PCBP3: variants seen among roughly 807,000 people sequenced by gnomAD.
PCBP3 encodes the protein poly(rC)-binding protein 3.
A neutral mutation model predicts 52.7 loss-of-function variants in PCBP3; 25 were observed. That is an observed-to-expected ratio of 0.47 (90% CI 0.35 to 0.66). The LOEUF is 0.66. PCBP3 is among the 30% of genes least tolerant of loss of function. The pLI is 0.01. For missense variants in PCBP3, 391 were observed against 490.3 expected (o/e 0.80, Z 1.91); for synonymous variants, 162 against 183.0 (o/e 0.89, Z 0.93).
In PCBP3 at chr21:45,704,361, GTGGT is replaced by G. The variant is rs1408606644; in HGVS notation, c.-199-31026_-199-31023del. On this transcript the variant is annotated intron_variant, in intron 2 of 17. Transcript: ENST00000681687. The surrounding 1 kb of genome is among the most constrained non-coding windows in gnomAD (Gnocchi z 4.1). ...CTGCAGAAAGGAGTAAGGAAACATGGTGGTTGGTGGGGGAACTGGGAACAAGAGC... is the reference window on the plus strand; with the variant it reads ...CTGCAGAAAGGAGTAAGGAAACATGGTGGTGGGGGAACTGGGAACAAGAGC... Among the ~76,000 whole-genome samples, 1 of 152,190 alleles carries G rather than the reference GTGGT, an allele frequency of 6.6e-6. No homozygotes were observed. The highest frequency in any genetic ancestry group is 1.5e-5 in the Non-Finnish European group (1 of 68,038).
Position 45,917,637 on chromosome 21 carries a change from T to G in PCBP3, c.717+8T>G, listed in dbSNP as rs2073708152. ...GCCATCCCTCACCCGGATGTGAGTC[T>G]TCACTTTGTCTTCCTCTCACCTTTC... On this transcript the variant is annotated splice_region_variant and intron_variant, in intron 13 of 17. Transcript: ENST00000681687. The surrounding 1 kb of genome is among the most constrained non-coding windows in gnomAD (Gnocchi z 5.3). 14 of 1,609,494 alleles carry G rather than the reference T, an allele frequency of 8.7e-6. No homozygotes were observed. The highest frequency in any genetic ancestry group is 9.4e-6 in the Non-Finnish European group (11 of 1,175,810).
At chr21:45,748,015 G>A (rs1195730404) in intron 3 of PCBP3, 2 of 152,418 alleles carry the variant, frequency 1.3e-5, no homozygotes, top group African/African-American at 4.8e-5. Flanking sequence ...CGTGCTGCCA[G>A]GCTGTCTGGC....
rs749618031 is a variant in PCBP3 at position 45,919,814 on chromosome 21, GGT to G, written c.717+2207_717+2208del. 4.2e-3 allele frequency among the ~76,000 whole-genome samples: 619 copies of G among 148,768 alleles called. 2 individuals are homozygous for G. The highest frequency in any genetic ancestry group is 7.0e-3 in the Non-Finnish European group (462 of 66,358). ...AGCAGCAGCGTTGGGCAGAAGCAGAGGTGTGTGTGTGTGTGTGTGTGTGCGCG... is the reference window on the plus strand; with the variant it reads ...AGCAGCAGCGTTGGGCAGAAGCAGAGGTGTGTGTGTGTGTGTGTGTGCGCG... On this transcript the variant is annotated intron_variant, in intron 13 of 17. Transcript: ENST00000681687.
rs959580405 is a variant in PCBP3, at chr21:45,880,148, C to T, written c.11-16060C>T. On this transcript the variant is annotated intron_variant, in intron 5 of 17. Coordinates refer to ENST00000681687, the MANE Select transcript of PCBP3 (RefSeq NM_001384156.1). The surrounding 1 kb of genome is among the most constrained non-coding windows in gnomAD (Gnocchi z 5.4). ...CTTTTTATTGACAAGACGTTCCTGTCGTGAGTGGTTTTCCTCTGGCCTCTT... is the reference window on the plus strand; with the variant it reads ...CTTTTTATTGACAAGACGTTCCTGTTGTGAGTGGTTTTCCTCTGGCCTCTT... Among the ~76,000 whole-genome samples the T allele has an allele frequency of 1.3e-5, 2 of 152,218 alleles. No individual in the cohort carries two copies. Among genetic ancestry groups the T allele is most frequent in the African/African-American group, 4.8e-5 (2 of 41,460 alleles).
At chr21:45,845,427 T>G (rs994174920) in intron 4 of PCBP3, among the ~76,000 whole-genome samples, 4 of 151,050 alleles carry the variant, frequency 2.6e-5, no homozygotes, top group African/African-American at 9.8e-5. Context: ...TGTGAGCTGC[T>G]TAAGCACCTG....
At chr21:45,892,035 T>C (rs548480067) in intron 5 of PCBP3, among the ~76,000 whole-genome samples, 3 of 152,280 alleles carry the variant, frequency 2.0e-5, no homozygotes, top group South Asian at 4.1e-4. Flanking sequence ...CAAAGGCAGC[T>C]GGAGGCTGGC....
chr21:45,896,404 G>C, intron 6 of PCBP3, 42 bp downstream of exon 6: 2 of 1,541,022 alleles, frequency 1.3e-6, no homozygotes, highest in Non-Finnish European at 1.8e-6. Context: ...AGGCGGCCGC[G>C]GCAGACAGAA....
chr21:45,924,199 G>A (rs576352198), intron 13 of PCBP3, among the ~76,000 whole-genome samples: 1 of 135,776 alleles, frequency 7.4e-6, no homozygotes, highest in African/African-American at 2.8e-5. Flanking sequence ...AACAGCACAC[G>A]TAAGGTCGGG....
chr21:45,876,840 G>A lies in PCBP3; in HGVS notation c.11-19368G>A, dbSNP rs565775557. 1.9e-3 allele frequency among the ~76,000 whole-genome samples: 294 copies of A among 152,378 alleles called. 2 individuals are homozygous for A. The highest frequency in any genetic ancestry group is 6.8e-3 in the African/African-American group (283 of 41,602). On this transcript the variant is annotated intron_variant, in intron 5 of 17. Transcript: ENST00000681687. ...GGCCGTGAGTGCAGCCCTGGACAGA[G>A]CACAGCTAACGGGGGTATGGCCAGA...
intron 2 of PCBP3, among the ~76,000 whole-genome samples, chr21:45,685,915 CT>C (rs1168054154): frequency 0.14 from 17,569 of 125,382 alleles, 984 homozygotes; most frequent in Middle Eastern, 0.27. Flanking sequence ...GTAAGATGAA[CT>C]TTTTTTTTTT....
At chr21:45,783,436 A>G (rs539378260) in intron 4 of PCBP3, among the ~76,000 whole-genome samples, 3 of 152,232 alleles carry the variant, frequency 2.0e-5, no homozygotes, top group Non-Finnish European at 4.4e-5. Flanking sequence ...TCAACAGTAC[A>G]TTTGCAACCT....
intron 4 of PCBP3, among the ~76,000 whole-genome samples, chr21:45,832,911 G>A (rs752652948): frequency 3.3e-5 from 5 of 152,176 alleles, no homozygotes; most frequent in Admixed American, 2.0e-4. Flanking sequence ...GGAGGAACTT[G>A]CCAGACAAAA....
chr21:45,927,271 C>T (rs1603532802), intron 13 of PCBP3, among the ~76,000 whole-genome samples: 2 of 47,342 alleles, frequency 4.2e-5, no homozygotes, highest in Non-Finnish European at 1.0e-4. Context: ...ATCCTCCTAC[C>T]CTCCTCTCCC....
intron 5 of PCBP3, among the ~76,000 whole-genome samples, chr21:45,861,728 T>A (rs1732113521): frequency 6.6e-6 from 1 of 152,204 alleles, no homozygotes; most frequent in African/African-American, 2.4e-5. Context: ...CTGGGCCTGC[T>A]TCTCGCCCTG....
chr21:45,784,672 A>G (rs939975370), intron 4 of PCBP3, among the ~76,000 whole-genome samples: 2 of 152,198 alleles, frequency 1.3e-5, no homozygotes, highest in African/African-American at 4.8e-5. Context: ...TGTGTTGGCC[A>G]GGCTGGTCTC....
rs1262035342 is a variant in PCBP3, at chr21:45,805,968, A to T, written c.-125-43993A>T. On this transcript the variant is annotated intron_variant, in intron 4 of 17. Coordinates refer to ENST00000681687, the MANE Select transcript of PCBP3 (RefSeq NM_001384156.1). The surrounding 1 kb of genome is among the most constrained non-coding windows in gnomAD (Gnocchi z 4.6). ...TGTGAGGTTCCCATTGCATGAGAAG[A>T]TGGAGGAGCCTCCTTGTGCTGCTGT... Among the ~76,000 whole-genome samples the T allele has an allele frequency of 6.6e-6, 1 of 152,182 alleles. No individual in the cohort carries two copies. The highest frequency in any genetic ancestry group is 2.1e-4 in the South Asian group (1 of 4,824).
chr21:45,704,675 C>T lies in PCBP3; in HGVS notation c.-199-30717C>T, dbSNP rs147347863. Among the ~76,000 whole-genome samples the T allele has an allele frequency of 2.0e-5, 3 of 152,138 alleles. No homozygotes were observed. The East Asian group carries it at 5.8e-4, about 29-fold the overall frequency. On this transcript the variant is annotated intron_variant, in intron 2 of 17. Coordinates refer to ENST00000681687, the MANE Select transcript of PCBP3 (RefSeq NM_001384156.1). This position sits in a 1 kb window ranked among gnomAD's most constrained non-coding sequence, Gnocchi z 4.1. ...AATTCATAAAGGGAATATGGAGTTC[C>T]GTTTACAACAGCAAGAGATGCCTTG...
intron 5 of PCBP3, among the ~76,000 whole-genome samples, chr21:45,883,803 T>C (rs777236712): frequency 6.6e-6 from 1 of 152,234 alleles, no homozygotes; most frequent in Non-Finnish European, 1.5e-5. Context: ...GTAGACAGCA[T>C]ATGATGGGGT....
chr21:45,673,429 T>A lies in PCBP3; in HGVS notation c.-200+4477T>A, dbSNP rs1174836448. ...AAAAATAAGACACTTCAGTTTTTTT[T>A]AAATAAAATGAGATATAAAGATAAA... On this transcript the variant is annotated intron_variant, in intron 2 of 17. Transcript: ENST00000681687. The A allele has an allele frequency of 6.6e-5, 10 of 152,360 alleles. No homozygotes were observed. In the East Asian group the frequency reaches 1.7e-3, roughly 26 times the overall value. 9.4% of individuals were successfully genotyped at this position (152,360 alleles called of 1,614,324 possible).
Sources: allele counts gnomAD v4.1 joint callset (sites outside exome capture counted in the v4.1 genomes callset), GRCh38; gene constraint gnomAD v4.1.1; non-coding constraint Gnocchi (gnomAD v3.1); transcripts MANE v1.5; gene names NCBI Gene and HGNC (gene_info 2026-07-23, HGNC 2026-07-21).